Variants in ESR2 observed in about 807,000 individuals in gnomAD.
ESR2 encodes the protein estrogen receptor 2.
In ESR2, 36 loss-of-function variants were observed where a neutral mutation model predicts 49.6. The observed-to-expected ratio is 0.73, with a 90% confidence interval of 0.56 to 0.96. The LOEUF is 0.96. ESR2 is among the 40% of genes least tolerant of loss of function. The pLI is 0.00. For missense variants in ESR2, 714 were observed against 693.0 expected (o/e 1.03, Z -0.34); for synonymous variants, 320 against 266.1 (o/e 1.20, Z -1.97).
At chr14:64,292,429 G>T (rs150652560) in intron 1 of ESR2, among the ~76,000 whole-genome samples, 2 of 152,076 alleles carry the variant, frequency 1.3e-5, no homozygotes, top group African/African-American at 2.4e-5. Flanking sequence ...ATTCATAGAG[G>T]TACATTTACA....
intron 3 of ESR2, among the ~76,000 whole-genome samples, chr14:64,269,373 T>G (rs754920967): frequency 6.6e-6 from 1 of 152,192 alleles, no homozygotes; most frequent in Non-Finnish European, 1.5e-5. Flanking sequence ...ATAAAGAAAT[T>G]AGCAATCTAA....
chr14:64,234,677 G>A (rs941923665), intron 8 of ESR2: 7 of 545,560 alleles, frequency 1.3e-5, no homozygotes, highest in Admixed American at 6.7e-5. Context: ...TCGTGTTAGG[G>A]GAGGAACTGC....
In ESR2 at chr14:64,260,531, G is replaced by A. The variant is rs1409257915; in HGVS notation, c.870C>T (p.Thr290=). The part of the protein sequence containing the change: ...VLISRPSAPF[T]EASMMMSLTK... Reference sequence around the variant, plus strand: ...TCAGGGACATCATCATGGAGGCCTCGGTGAAGGGCGCACTGGGGCGGCTGA... The same window carrying A: ...TCAGGGACATCATCATGGAGGCCTCAGTGAAGGGCGCACTGGGGCGGCTGA... Residue 290 remains threonine, a synonymous_variant, in exon 5 of 9, where the codon ACC becomes ACT. Coordinates refer to ENST00000341099, the MANE Select transcript of ESR2 (RefSeq NM_001437.3). The A allele has an allele frequency of 2.6e-6, 4 of 1,564,368 alleles. No homozygotes were observed. The highest frequency in any genetic ancestry group is 1.4e-5 in the African/African-American group (1 of 73,398).
chr14:64,331,337 A>G (rs2077455120), intron 1 of ESR2, among the ~76,000 whole-genome samples: 1 of 152,266 alleles, frequency 6.6e-6, no homozygotes, highest in Non-Finnish European at 1.5e-5. Context: ...GTATGCAAAT[A>G]GCTTCAAAGT....
At chr14:64,262,489 G>C (rs1242658036) in intron 4 of ESR2, among the ~76,000 whole-genome samples, 1 of 152,174 alleles carries the variant, frequency 6.6e-6, no homozygotes, top group Admixed American at 6.5e-5. Flanking sequence ...AATCAGAGAG[G>C]AATGATTTTG....
At chr14:64,227,832 T>C (rs1304619920), downstream of ESR2, 5 of 1,583,940 alleles carry the variant, frequency 3.2e-6, no homozygotes, top group Non-Finnish European at 4.3e-6. Context: ...GGGTTTTATA[T>C]CGTCTGCAAA....
At chr14:64,244,734 T>C (rs557705462) in intron 7 of ESR2, among the ~76,000 whole-genome samples, 2 of 152,378 alleles carry the variant, frequency 1.3e-5, no homozygotes, top group South Asian at 4.1e-4. Flanking sequence ...TTCACTAGCA[T>C]GCAGACGCAT....
intron 1 of ESR2, among the ~76,000 whole-genome samples, chr14:64,305,393 G>A (rs1032899556): frequency 3.3e-5 from 5 of 150,934 alleles, no homozygotes; most frequent in South Asian, 2.1e-4. Flanking sequence ...ATACTAGGCC[G>A]GGCGCAGTGG....
At chr14:64,307,621 G>A (rs1038093086) in intron 1 of ESR2, among the ~76,000 whole-genome samples, 2 of 151,936 alleles carry the variant, frequency 1.3e-5, no homozygotes, top group Non-Finnish European at 2.9e-5. Flanking sequence ...TGCAATCTCC[G>A]CCTCCTGGGT....
intron 7 of ESR2, among the ~76,000 whole-genome samples, chr14:64,237,845 A>G (rs2075638253): frequency 6.6e-6 from 1 of 152,230 alleles, no homozygotes; most frequent in African/African-American, 2.4e-5. Flanking sequence ...GAGTCAGAAA[A>G]GCAAATTAGT....
intron 1 of ESR2, among the ~76,000 whole-genome samples, chr14:64,313,530 C>CAA (rs60380584): frequency 0.13 from 13,815 of 107,094 alleles, 1,095 homozygotes; most frequent in African/African-American, 0.21. Flanking sequence ...GAGGCTCTGT[C>CAA]AAAAAAAAAA....
Position 64,230,100 on chromosome 14 carries a change from G to C in ESR2, c.*3037C>G, listed in dbSNP as rs577567374. Among the ~76,000 whole-genome samples the C allele has an allele frequency of 6.6e-6, 1 of 151,968 alleles. No homozygotes were observed. Among genetic ancestry groups the C allele is most frequent in the Non-Finnish European group, 1.5e-5 (1 of 68,010 alleles). ...GGAATGGGGTGGGATGGGGCACTGT[G>C]GTGGGAGGATCGCTTGAGCCCAGGA... On this transcript the variant is annotated 3_prime_UTR_variant, in exon 9 of 9. Coordinates refer to ENST00000341099, the MANE Select transcript of ESR2 (RefSeq NM_001437.3).
intron 1 of ESR2, among the ~76,000 whole-genome samples, chr14:64,334,900 G>A (rs2077510045): frequency 1.3e-5 from 2 of 152,242 alleles, no homozygotes; most frequent in South Asian, 2.1e-4. Context: ...CGCCTGCCTC[G>A]GCCACCCAAA....
downstream of ESR2, chr14:64,227,462 G>T: frequency 6.6e-7 from 1 of 1,510,524 alleles, no homozygotes; most frequent in Non-Finnish European, 9.1e-7. Context: ...GGATTACAAT[G>T]ATCCCAGAGG....
At chr14:64,277,382 T>C (rs1349311719) in intron 3 of ESR2, among the ~76,000 whole-genome samples, 1 of 152,004 alleles carries the variant, frequency 6.6e-6, no homozygotes, top group East Asian at 1.9e-4. Flanking sequence ...TCCCAGCACT[T>C]TGGGAGGCCG....
chr14:64,299,574 G>A (rs2076999479), intron 1 of ESR2, among the ~76,000 whole-genome samples: 1 of 152,106 alleles, frequency 6.6e-6, no homozygotes, highest in Non-Finnish European at 1.5e-5. Flanking sequence ...GTGGTAGCCA[G>A]GATGGTCTCG....
chr14:64,227,013 T>C (rs2098721959), downstream of ESR2: 1 of 153,544 alleles, frequency 6.5e-6, no homozygotes, highest in Non-Finnish European at 1.4e-5. Context: ...CCATGGCAAA[T>C]GAACAGGCAA....
intron 3 of ESR2, among the ~76,000 whole-genome samples, chr14:64,272,826 G>C (rs1288183895): frequency 6.6e-6 from 1 of 152,022 alleles, no homozygotes; most frequent in African/African-American, 2.4e-5. Context: ...TGATATTTTT[G>C]CTCAGAATAG....
At chr14:64,251,764 T>C (rs959975417) in intron 6 of ESR2, among the ~76,000 whole-genome samples, 2 of 152,094 alleles carry the variant, frequency 1.3e-5, no homozygotes, top group Admixed American at 1.3e-4. Flanking sequence ...ATTCAAGGGG[T>C]GGCAAAGTTA....
Sources: allele counts gnomAD v4.1 joint callset (sites outside exome capture counted in the v4.1 genomes callset), GRCh38; gene constraint gnomAD v4.1.1; transcripts MANE v1.5; gene names NCBI Gene and HGNC (gene_info 2026-07-23, HGNC 2026-07-21).